PDE10A: variants seen among roughly 807,000 people sequenced by gnomAD.
The protein encoded by PDE10A is phosphodiesterase 10A, also known as cAMP and cAMP-inhibited cGMP 3',5'-cyclic phosphodiesterase 10A.
A neutral mutation model predicts 97.7 loss-of-function variants in PDE10A; 39 were observed. The ratio of observed to expected loss-of-function variants is 0.40; its 90% CI spans 0.31 to 0.52. The LOEUF (loss-of-function observed/expected upper bound fraction) is 0.52. PDE10A is among the 20% of genes least tolerant of loss of function. The pLI is 0.56. For missense variants in PDE10A, 731 were observed against 1,047.8 expected (o/e 0.70, Z 4.17); for synonymous variants, 371 against 376.8 (o/e 0.98, Z 0.18).
intron 1 of PDE10A, among the ~76,000 whole-genome samples, chr6:165,796,701 C>T (rs536549842): frequency 9.3e-4 from 141 of 152,230 alleles, no homozygotes; most frequent in African/African-American, 3.3e-3. Flanking sequence ...ATCTATTATT[C>T]AAGCTTTTAT....
In PDE10A at chr6:165,331,454, G is replaced by A. The variant is rs972282467; in HGVS notation, c.*1571C>T. 1 of 152,160 alleles carries A rather than the reference G, an allele frequency of 6.6e-6. No homozygotes were observed. The highest frequency in any genetic ancestry group is 1.5e-5 in the Non-Finnish European group (1 of 68,040). 9.4% of individuals were successfully genotyped at this position (152,160 alleles called of 1,614,324 possible). Reference sequence around the variant, plus strand: ...AATAAACCATGTTGTAGAAGCCTCTGATTTAATTTTGCACAAACCAGGCTC... The same window carrying A: ...AATAAACCATGTTGTAGAAGCCTCTAATTTAATTTTGCACAAACCAGGCTC... On this transcript the variant is annotated 3_prime_UTR_variant, in exon 22 of 22. Coordinates refer to ENST00000539869, the MANE Select transcript of PDE10A (RefSeq NM_001385079.1).
chr6:165,701,471 T>C (rs977988918), intron 1 of PDE10A, among the ~76,000 whole-genome samples: 1 of 152,242 alleles, frequency 6.6e-6, no homozygotes, highest in Non-Finnish European at 1.5e-5. Flanking sequence ...ATTGAATTTC[T>C]AATATGTTCT....
chr6:165,907,441 C>T lies in PDE10A; in HGVS notation c.-615+80088G>A, dbSNP rs138973206. The stretch of plus-strand genomic sequence containing the variant: ...GCGTTGCTGGAACTGGATTCAGGTG[C>T]GAGTCACTTCAGAGACACTCTCTGT... On this transcript the variant is annotated intron_variant, in intron 1 of 19. Transcript: ENST00000366882. Among the ~76,000 whole-genome samples the T allele has an allele frequency of 1.1e-4, 16 of 152,340 alleles. No individual in the cohort carries two copies. In the East Asian group the frequency reaches 1.2e-3, roughly 11 times the overall value.
At chr6:165,975,075 C>G (rs554786048) in intron 1 of PDE10A, among the ~76,000 whole-genome samples, 3 of 152,302 alleles carry the variant, frequency 2.0e-5, no homozygotes, top group African/African-American at 7.2e-5. Flanking sequence ...GAGCCCGGGT[C>G]CAGACCCTGG....
intron 2 of PDE10A, among the ~76,000 whole-genome samples, chr6:165,524,605 G>A (rs1292018346): frequency 2.0e-5 from 3 of 152,028 alleles, no homozygotes; most frequent in Non-Finnish European, 4.4e-5. Flanking sequence ...ATGAACCCAG[G>A]GATTCTGTCT....
intron 1 of PDE10A, chr6:165,718,177 G>A (rs948448155): frequency 6.6e-6 from 1 of 152,052 alleles, no homozygotes; most frequent in African/African-American, 2.4e-5. Flanking sequence ...AAGTCTTGAT[G>A]CTTTTTTCCT....
chr6:165,725,267 T>C (rs191202354), intron 1 of PDE10A, among the ~76,000 whole-genome samples: 48 of 152,336 alleles, frequency 3.2e-4, no homozygotes, highest in African/African-American at 1.1e-3. Context: ...CCTCTGTCCC[T>C]GCAATAAGGC....
At chr6:165,604,258 T>C (rs762999123) in intron 1 of PDE10A, among the ~76,000 whole-genome samples, 1 of 152,164 alleles carries the variant, frequency 6.6e-6, no homozygotes, top group Non-Finnish European at 1.5e-5. Context: ...GACCATTGTA[T>C]CCCCAAGGAT....
chr6:165,454,218 A>G (rs1373372621), intron 3 of PDE10A, among the ~76,000 whole-genome samples: 1 of 152,198 alleles, frequency 6.6e-6, no homozygotes, highest in African/African-American at 2.4e-5. Flanking sequence ...ACAGGCTCAA[A>G]GCTGAAGAAG....
intron 1 of PDE10A, among the ~76,000 whole-genome samples, chr6:165,652,756 G>A (rs1408127261): frequency 1.3e-5 from 2 of 152,260 alleles, no homozygotes; most frequent in East Asian, 1.9e-4. Context: ...GGCCAAATAC[G>A]CTTGTATTTT....
intron 3 of PDE10A, among the ~76,000 whole-genome samples, chr6:165,468,798 G>T (rs1182148005): frequency 6.6e-6 from 1 of 152,200 alleles, no homozygotes; most frequent in African/African-American, 2.4e-5. Context: ...TTTATGCATA[G>T]CTACTCCATT....
At chr6:165,784,754 C>G (rs114114193) in intron 1 of PDE10A, among the ~76,000 whole-genome samples, 2 of 152,076 alleles carry the variant, frequency 1.3e-5, no homozygotes, top group Non-Finnish European at 2.9e-5. Context: ...CAGTGGCATC[C>G]GTAATAGGGT....
At chr6:165,410,560 C>T (rs1787666592) in intron 13 of PDE10A, among the ~76,000 whole-genome samples, 1 of 151,968 alleles carries the variant, frequency 6.6e-6, no homozygotes, top group African/African-American at 2.4e-5. Flanking sequence ...ACAGAATGAA[C>T]GGACGTAGAG....
intron 20 of PDE10A, among the ~76,000 whole-genome samples, chr6:165,338,906 G>C (rs184801731): frequency 1.2e-4 from 18 of 152,276 alleles, no homozygotes; most frequent in Admixed American, 9.8e-4. Context: ...AGTCCCTCCA[G>C]TCCACAAGGC....
At chr6:165,601,153 T>C (rs1786923762) in intron 1 of PDE10A, among the ~76,000 whole-genome samples, 1 of 152,176 alleles carries the variant, frequency 6.6e-6, no homozygotes, top group Non-Finnish European at 1.5e-5. Context: ...ACCAGGGGTT[T>C]CCACTTTTGC....
chr6:165,376,398 A>C (rs1438057969), intron 18 of PDE10A, among the ~76,000 whole-genome samples: 1 of 152,362 alleles, frequency 6.6e-6, no homozygotes, highest in African/African-American at 2.4e-5. Flanking sequence ...CTTCTGGTGA[A>C]GATGCTGTGA....
chr6:165,444,010 T>G (rs1343212299), intron 5 of PDE10A, among the ~76,000 whole-genome samples: 2 of 152,218 alleles, frequency 1.3e-5, no homozygotes, highest in Admixed American at 6.5e-5. Flanking sequence ...TTGTCCTTTC[T>G]ACAACACGGT....
exon 1 of PDE10A, chr6:165,987,896 C>T: frequency 2.7e-6 from 1 of 375,558 alleles, no homozygotes; most frequent in Middle Eastern, 3.8e-4. Context: ...AAGACCAGTC[C>T]ATCTCAGCTC....
rs901414234 is a variant in PDE10A at position 165,604,522 on chromosome 6, A to C, written c.865+57425T>G. On this transcript the variant is annotated intron_variant, in intron 1 of 21. Coordinates refer to ENST00000539869, the MANE Select transcript of PDE10A (RefSeq NM_001385079.1). The stretch of plus-strand genomic sequence containing the variant: ...GACTGCACTTACTCTCTTTGTTAAA[A>C]AAAAAAAAAAAAAGTGTTACTATAC... Among the ~76,000 whole-genome samples the C allele has an allele frequency of 2.4e-4, 37 of 151,318 alleles. 1 individual carries two copies. Among genetic ancestry groups the C allele is most frequent in the Non-Finnish European group, 3.0e-5 (2 of 67,746 alleles).
Sources: allele counts gnomAD v4.1 joint callset (sites outside exome capture counted in the v4.1 genomes callset), GRCh38; gene constraint gnomAD v4.1.1; transcripts MANE v1.5; gene names NCBI Gene and HGNC (gene_info 2026-07-23, HGNC 2026-07-21).